Variants in PNPLA1 observed in about 807,000 individuals in gnomAD.
PNPLA1 encodes omega-hydroxyceramide transacylase.
PNPLA1 carries 36 observed loss-of-function variants against 51.7 expected under a neutral mutation model. That is an observed-to-expected ratio of 0.70 (90% CI 0.53 to 0.92). PNPLA1 has a LOEUF of 0.92. Among genes scored for constraint, PNPLA1 ranks in the 40% least tolerant of loss-of-function variants. The probability of loss-of-function intolerance (pLI) is 0.00; values close to 1 mark genes in which losing one functional copy is unlikely to be tolerated. For synonymous variants in PNPLA1, 293 were observed against 280.1 expected, an observed-to-expected ratio of 1.05 and a Z score of -0.46; for missense variants, 658 against 682.5, an observed-to-expected ratio of 0.96 and a Z score of 0.40.
At chr6:36,261,658 A>G (rs1268550664) in intron 1 of PNPLA1, among the ~76,000 whole-genome samples, 4 of 152,236 alleles carry the variant, frequency 2.6e-5, no homozygotes, top group Non-Finnish European at 1.5e-5. Context: ...AAGAATAAAA[A>G]CAGTTAACAC....
At chr6:36,268,102 G>T (rs1033043510), upstream of PNPLA1, among the ~76,000 whole-genome samples, 2 of 152,120 alleles carry the variant, frequency 1.3e-5, no homozygotes, top group African/African-American at 4.8e-5. Flanking sequence ...TCCAGCCCCA[G>T]TCTCATCTTC....
intron 1 of PNPLA1, among the ~76,000 whole-genome samples, chr6:36,283,766 C>G (rs1011942503): frequency 5.3e-5 from 8 of 152,354 alleles, no homozygotes; most frequent in Admixed American, 5.2e-4. Flanking sequence ...TTTGCCTCAT[C>G]AGACCTCAAG....
intron 1 of PNPLA1, among the ~76,000 whole-genome samples, chr6:36,271,338 C>T (rs1359268311): frequency 6.6e-6 from 1 of 152,164 alleles, no homozygotes; most frequent in Non-Finnish European, 1.5e-5. Context: ...CATCTAGCAG[C>T]CCCAAGGAAC....
chr6:36,273,728 C>CA (rs57186870), intron 1 of PNPLA1, among the ~76,000 whole-genome samples: 1,442 of 48,006 alleles, frequency 0.03, 57 homozygotes, highest in Middle Eastern at 0.061. Context: ...GACCCCATCG[C>CA]AAAAAAAAAA....
At chr6:36,282,109 GAAGGA>G (rs1770319573) in intron 1 of PNPLA1, among the ~76,000 whole-genome samples, 2 of 141,068 alleles carry the variant, frequency 1.4e-5, no homozygotes, top group African/African-American at 5.5e-5. Flanking sequence ...AGGAAGGAAG[GAAGGA>G]AGGAAGGAAG....
At position 36,256,253 on chromosome 6, in the gene PNPLA1, G is replaced by A. The variant is rs1398082190; in HGVS notation, c.-81+12992G>A. 2.0e-5 allele frequency among the ~76,000 whole-genome samples: 3 copies of A among 151,994 alleles called. No individual in the cohort carries two copies. The East Asian group carries it at 5.8e-4, about 29-fold the overall frequency. ...CGCCTGTAATCCTAGCACTTTGAGA[G>A]GCCAAAGCAGGAGAATCCCTTGAAC... On this transcript the variant is annotated intron_variant, in intron 1 of 7. Coordinates refer to the PNPLA1 transcript ENST00000312917.
At chr6:36,273,758 A>G (rs1403697986) in intron 1 of PNPLA1, among the ~76,000 whole-genome samples, 1 of 145,286 alleles carries the variant, frequency 6.9e-6, no homozygotes, top group Non-Finnish European at 1.5e-5. Context: ...AAAAAGATGA[A>G]GAAAGAAAGA....
In PNPLA1 at chr6:36,313,515, G is replaced by A. The variant is rs374496196; in HGVS notation, c.*1629G>A. Among the ~76,000 whole-genome samples the A allele has an allele frequency of 2.4e-4, 36 of 152,314 alleles. No homozygotes were observed. In the South Asian group the frequency reaches 6.8e-3, roughly 29 times the overall value. ...CCTGGTGGGGCTGGGGATTTAGAGG[G>A]TTGGGGCTTGGCTGCGGCAACAGAC... On this transcript the variant is annotated 3_prime_UTR_variant, in exon 9 of 9. Transcript: ENST00000636260.
chr6:36,255,242 C>T (rs79786554), intron 1 of PNPLA1, among the ~76,000 whole-genome samples: 10 of 151,680 alleles, frequency 6.6e-5, no homozygotes, highest in African/African-American at 2.2e-4. Context: ...CAGTAGCTCA[C>T]GCCTGTAATC....
At chr6:36,295,707 T>C (rs1770839499) in intron 5 of PNPLA1, among the ~76,000 whole-genome samples, 3 of 152,250 alleles carry the variant, frequency 2.0e-5, no homozygotes, top group Admixed American at 2.0e-4. Flanking sequence ...GTAAAAACTC[T>C]ATTTAGGAAA....
chr6:36,250,178 C>T (rs1164744348), intron 1 of PNPLA1, among the ~76,000 whole-genome samples: 1 of 152,166 alleles, frequency 6.6e-6, no homozygotes, highest in African/African-American at 2.4e-5. Context: ...CATGCTTTGG[C>T]TGTGAGATGC....
intron 1 of PNPLA1, among the ~76,000 whole-genome samples, chr6:36,287,528 G>C (rs1770532897): frequency 6.6e-6 from 1 of 152,178 alleles, no homozygotes; most frequent in South Asian, 2.1e-4. Context: ...TCGGAAGGAG[G>C]CCTTTAAATG....
At chr6:36,296,012 T>C (rs1189321511) in intron 5 of PNPLA1, among the ~76,000 whole-genome samples, 1 of 152,196 alleles carries the variant, frequency 6.6e-6, no homozygotes, top group Non-Finnish European at 1.5e-5. Context: ...AACATCTTTG[T>C]TAAAAGAAAT....
chr6:36,282,088 A>AGAAG lies in PNPLA1; in HGVS notation c.206-9184_206-9181dup, dbSNP rs70975141. The stretch of plus-strand genomic sequence containing the variant: ...AAGAAAGAAAGAAAGAAAGAAAGAA[A>AGAAG]GAAGGAAGGAAGGAAGGAAGGAAGG... On this transcript the variant is annotated intron_variant, in intron 1 of 8. Transcript: ENST00000636260. Among the ~76,000 whole-genome samples, 978 of 98,622 alleles carry AGAAG rather than the reference A, an allele frequency of 9.9e-3. 27 individuals carry two copies. Among genetic ancestry groups the AGAAG allele is most frequent in the East Asian group, 0.014 (46 of 3,322 alleles). The allele number at this position is 98,622 out of a possible 152,430, so 64.7% of individuals were successfully genotyped here. A position where few individuals can be genotyped will look rare whatever the true frequency, so the allele number is the denominator to read the frequency against.
chr6:36,252,457 A>G lies in PNPLA1; in HGVS notation c.-81+9196A>G, dbSNP rs571296012. Among the ~76,000 whole-genome samples the G allele has an allele frequency of 1.9e-4, 29 of 151,880 alleles. No homozygotes were observed. In the South Asian group the frequency reaches 5.6e-3, roughly 29 times the overall value. On this transcript the variant is annotated intron_variant, in intron 1 of 7. Transcript: ENST00000312917. ...GGGGACAGAGAGGCGGGGATGGAGT[A>G]AGGAAGCCAGGAAGTGGAATCAGTA...
intron 5 of PNPLA1, among the ~76,000 whole-genome samples, chr6:36,298,967 C>A (rs188549234): frequency 7.0e-4 from 106 of 152,134 alleles, no homozygotes; most frequent in African/African-American, 2.5e-3. Context: ...TCGATCTCCT[C>A]ACCTCGTGAT....
chr6:36,294,542 C>A lies in PNPLA1; in HGVS notation c.714+143C>A. On this transcript the variant is annotated intron_variant, in intron 4 of 8. Transcript: ENST00000636260. The surrounding 1 kb of genome is among the most constrained non-coding windows in gnomAD (Gnocchi z 4.2). Reference sequence around the variant, plus strand: ...TTAAACTTCCTCCTAGACCTGCATCCTGGCCTTGCTGCTAACTAGCTATGT... The same window carrying A: ...TTAAACTTCCTCCTAGACCTGCATCATGGCCTTGCTGCTAACTAGCTATGT... The A allele has an allele frequency of 1.4e-6, 1 of 721,528 alleles. No individual in the cohort carries two copies. Among genetic ancestry groups the A allele is most frequent in the Non-Finnish European group, 2.3e-6 (1 of 440,850 alleles). The allele number at this position is 721,528 out of a possible 1,614,324, so 44.7% of individuals were successfully genotyped here.
chr6:36,264,995 A>G (rs1561851287), intron 1 of PNPLA1, among the ~76,000 whole-genome samples: 1 of 152,212 alleles, frequency 6.6e-6, no homozygotes, highest in East Asian at 1.9e-4. Flanking sequence ...CAAGTATTCA[A>G]AAATTAAGTC....
In PNPLA1 at chr6:36,272,425, C is replaced by T. The variant is rs116370574; in HGVS notation, c.205+1761C>T. Among the ~76,000 whole-genome samples, 729 of 152,348 alleles carry T rather than the reference C, an allele frequency of 4.8e-3. 11 individuals carry two copies. Among genetic ancestry groups the T allele is most frequent in the African/African-American group, 0.016 (679 of 41,578 alleles). On this transcript the variant is annotated intron_variant, in intron 1 of 8. Coordinates refer to ENST00000636260, the MANE Select transcript of PNPLA1 (RefSeq NM_001374623.1). ...AATACAGAAGAAGCTTCACCTGCTG[C>T]TTACCTCCTGCTGTGCGGCCTGGTT...
Sources: allele counts gnomAD v4.1 joint callset (sites outside exome capture counted in the v4.1 genomes callset), GRCh38; gene constraint gnomAD v4.1.1; non-coding constraint Gnocchi (gnomAD v3.1); transcripts MANE v1.5; gene names NCBI Gene and HGNC (gene_info 2026-07-23, HGNC 2026-07-21).